The following TMEM47 variants were observed in gnomAD, a reference collection of about 807,000 sequenced individuals.
TMEM47 encodes brain cell membrane protein 1.
TMEM47 carries 3 observed loss-of-function variants against 12.4 expected under a neutral mutation model. The observed-to-expected ratio is 0.24, with a 90% confidence interval of 0.11 to 0.63. The LOEUF (loss-of-function observed/expected upper bound fraction) is 0.63. Among genes scored for constraint, TMEM47 ranks in the 20% least tolerant of loss-of-function variants. The pLI is 0.86. For synonymous variants in TMEM47, 62 were observed against 63.3 expected (o/e 0.98, Z 0.10); for missense variants, 89 against 143.8 (o/e 0.62, Z 1.95).
rs1459179050 is a variant in TMEM47 at position 34,657,008 on chromosome X, T to A, written c.22A>T (p.Met8Leu). The A allele has an allele frequency of 8.7e-7, 1 of 1,154,044 alleles. No homozygotes were observed. Among genetic ancestry groups the A allele is most frequent in the Non-Finnish European group, 1.2e-6 (1 of 865,659 alleles). MASAGSG[M>L]EEVRVSVLTP... is the part of the protein sequence containing the mutation. ...AGCACCGACACGCGCACCTCCTCCA[T>A]GCCGCTGCCCGCCGAAGCCATTCCT... is the stretch of plus-strand genomic sequence containing the variant. Residue 8 changes from methionine (M) to leucine (L), a missense_variant, in exon 1 of 3, where the codon ATG (methionine) becomes TTG (leucine). Transcript: ENST00000275954.
rs1287228867 is a variant in TMEM47 at position 34,656,348 on chromosome X, C to A, written c.226+456G>T. Among the ~76,000 whole-genome samples, 4 of 109,782 alleles carry A rather than the reference C, an allele frequency of 3.6e-5. 1 individual carries two copies. The East Asian group carries it at 1.2e-3, about 32-fold the overall frequency. On this transcript the variant is annotated intron_variant, in intron 1 of 2. Transcript: ENST00000275954. ...AACCGGCAGAAATGTGAACACTAGG[C>A]AAATTCGTCCTCGAGAGAGGAAGGA...
At chrX:34,632,386 T>C (rs1261994087) in intron 2 of TMEM47, among the ~76,000 whole-genome samples, 3 of 111,820 alleles carry the variant, frequency 2.7e-5, no homozygotes, top group Admixed American at 9.5e-5. Context: ...TGTACTCTCA[T>C]CTATTTTTAG....
At chrX:34,633,365 T>C (rs1921659292) in intron 2 of TMEM47, among the ~76,000 whole-genome samples, 1 of 111,066 alleles carries the variant, frequency 9.0e-6, no homozygotes, top group African/African-American at 3.3e-5. Context: ...AACAACATAG[T>C]GGGGACTGAG....
intron 1 of TMEM47, among the ~76,000 whole-genome samples, chrX:34,647,469 A>T (rs1027914848): frequency 1.8e-5 from 2 of 111,546 alleles, no homozygotes; most frequent in African/African-American, 6.5e-5. Flanking sequence ...GATAGAGACA[A>T]AGGTGTTATA....
chrX:34,646,963 C>T (rs937956802), intron 1 of TMEM47, among the ~76,000 whole-genome samples: 2 of 111,416 alleles, frequency 1.8e-5, no homozygotes, highest in African/African-American at 6.5e-5. Context: ...ATTTGTTTCA[C>T]CCATCATTTT....
intron 1 of TMEM47, among the ~76,000 whole-genome samples, chrX:34,645,952 C>A (rs1277702950): frequency 9.0e-6 from 1 of 111,299 alleles, no homozygotes; most frequent in Admixed American, 9.6e-5. Flanking sequence ...TCGAATACTA[C>A]CCTTTAGGCC....
intron 1 of TMEM47, among the ~76,000 whole-genome samples, chrX:34,655,489 C>T (rs925515211): frequency 1.8e-5 from 2 of 111,672 alleles, no homozygotes; most frequent in African/African-American, 6.5e-5. Flanking sequence ...AAAGAGGAAA[C>T]CCTTCAATGG....
At position 34,627,969 on chromosome X, in the gene TMEM47, A is replaced by G. The variant is rs1921538350; in HGVS notation, c.*2344T>C. On this transcript the variant is annotated 3_prime_UTR_variant, in exon 3 of 3. Transcript: ENST00000275954. ...GTGTAGGGCTCTTTGCTGAGAAGGG[A>G]AAAAAGTCACATAAGAAATCTACTT... The G allele has an allele frequency of 8.9e-6, 1 of 111,733 alleles. No individual in the cohort carries two copies. The highest frequency in any genetic ancestry group is 3.3e-5 in the African/African-American group (1 of 30,696). 9.2% of individuals were successfully genotyped at this position (111,733 alleles called of 1,213,427 possible).
At chrX:34,650,657 G>A (rs763632132) in intron 1 of TMEM47, among the ~76,000 whole-genome samples, 2 of 112,047 alleles carry the variant, frequency 1.8e-5, no homozygotes, top group East Asian at 2.8e-4. Flanking sequence ...TGTAGCAAGC[G>A]TATCATCAGA....
At chrX:34,641,947 C>T (rs770998900) in intron 1 of TMEM47, among the ~76,000 whole-genome samples, 3 of 112,484 alleles carry the variant, frequency 2.7e-5, no homozygotes, top group East Asian at 5.6e-4. Flanking sequence ...ACCTCCGTCT[C>T]CCGGGTTCAA....
At chrX:34,632,834 C>A (rs1921649733) in intron 2 of TMEM47, among the ~76,000 whole-genome samples, 1 of 111,893 alleles carries the variant, frequency 8.9e-6, no homozygotes, top group South Asian at 3.7e-4. Flanking sequence ...GCCCAGTTGG[C>A]TCTTTGCCTT....
chrX:34,657,231 C>T lies in TMEM47; in HGVS notation c.-202G>A. 3.7e-6 allele frequency: 2 copies of T among 535,370 alleles called. No individual in the cohort carries two copies. Among genetic ancestry groups the T allele is most frequent in the Non-Finnish European group, 5.0e-6 (2 of 397,333 alleles). The allele number at this position is 535,370 out of a possible 1,213,427, so 44.1% of individuals were successfully genotyped here. On this transcript the variant is annotated 5_prime_UTR_variant, in exon 1 of 3. Coordinates refer to ENST00000275954, the MANE Select transcript of TMEM47 (RefSeq NM_031442.4). ...CGGCCGGGTGTGGGTCGTCGGCAGCCGCAGCGACGTCGATTCCACCCCGGA... is the reference window on the plus strand; with the variant it reads ...CGGCCGGGTGTGGGTCGTCGGCAGCTGCAGCGACGTCGATTCCACCCCGGA...
intron 1 of TMEM47, among the ~76,000 whole-genome samples, chrX:34,647,288 T>C (rs1307661205): frequency 1.8e-5 from 2 of 111,776 alleles, no homozygotes; most frequent in Admixed American, 9.5e-5. Flanking sequence ...TTCTTTTGTG[T>C]CTGTCCCTTT....
At chrX:34,656,188 A>G (rs756426390) in intron 1 of TMEM47, among the ~76,000 whole-genome samples, 10 of 111,746 alleles carry the variant, frequency 8.9e-5, no homozygotes, top group Non-Finnish European at 1.7e-4. Context: ...GCAACTCACA[A>G]TCAACGGCGG....
Position 34,655,846 on chromosome X carries a change from C to A in TMEM47, c.226+958G>T, listed in dbSNP as rs770107938. 2.7e-5 allele frequency among the ~76,000 whole-genome samples: 3 copies of A among 111,508 alleles called. No individual in the cohort carries two copies. In the South Asian group the frequency reaches 1.1e-3, roughly 43 times the overall value. ...AGGTCCTCTCTCTTTATTTCCCTTT[C>A]TCTTCGCTGACACCAGCAGTTGAAG... On this transcript the variant is annotated intron_variant, in intron 1 of 2. Transcript: ENST00000275954.
rs911804262 is a variant in TMEM47, at chrX:34,627,262, C to A, written c.*3051G>T. 9.0e-6 allele frequency: 1 copy of A among 111,456 alleles called. No homozygotes were observed. Among genetic ancestry groups the A allele is most frequent in the African/African-American group, 3.3e-5 (1 of 30,617 alleles). 9.2% of individuals were successfully genotyped at this position (111,456 alleles called of 1,213,427 possible). ...CATGAATTCATGTTTAAGTAGTAAACATGTCATATATTTAAAAATAATAAA... is the reference window on the plus strand; with the variant it reads ...CATGAATTCATGTTTAAGTAGTAAAAATGTCATATATTTAAAAATAATAAA... On this transcript the variant is annotated 3_prime_UTR_variant, in exon 3 of 3. Coordinates refer to ENST00000275954, the MANE Select transcript of TMEM47 (RefSeq NM_031442.4).
At chrX:34,644,494 T>C (rs1265124595) in intron 1 of TMEM47, among the ~76,000 whole-genome samples, 12 of 112,127 alleles carry the variant, frequency 1.1e-4, no homozygotes, top group Non-Finnish European at 1.9e-5. Flanking sequence ...ATTTTCGATA[T>C]TTTTGAGCCA....
chrX:34,651,800 T>C (rs998477972), intron 1 of TMEM47, among the ~76,000 whole-genome samples: 3 of 112,234 alleles, frequency 2.7e-5, no homozygotes, highest in Non-Finnish European at 3.8e-5. Context: ...AGGATAATAG[T>C]TTTGTGATCA....
chrX:34,651,131 T>C (rs1207593726), intron 1 of TMEM47, among the ~76,000 whole-genome samples: 2 of 111,877 alleles, frequency 1.8e-5, no homozygotes, highest in Non-Finnish European at 3.8e-5. Flanking sequence ...AACTTGCCAC[T>C]GCTCCATCAA....
Sources: allele counts gnomAD v4.1 joint callset (sites outside exome capture counted in the v4.1 genomes callset), GRCh38; gene constraint gnomAD v4.1.1; transcripts MANE v1.5; gene names NCBI Gene and HGNC (gene_info 2026-07-23, HGNC 2026-07-21).